The following TSPAN18 variants were observed in gnomAD, a reference collection of about 807,000 sequenced individuals.
The protein encoded by TSPAN18 is tetraspanin-18.
Under a neutral mutation model 27.3 loss-of-function variants are expected in TSPAN18, and 14 were observed. The observed-to-expected ratio is 0.51, with a 90% CI of 0.34 to 0.80. The LOEUF (loss-of-function observed/expected upper bound fraction) is 0.80, where lower values mean the gene tolerates loss of function less well. Among genes scored for constraint, TSPAN18 ranks in the 30% least tolerant of loss-of-function variants. The pLI, the probability that TSPAN18 is intolerant of heterozygous loss-of-function variation, is 0.01. For synonymous variants in TSPAN18, 143 were observed against 136.5 expected, an observed-to-expected ratio of 1.05 and a Z score of -0.33; for missense variants, 268 against 323.9, an observed-to-expected ratio of 0.83 and a Z score of 1.32.
chr11:44,919,907 G>A lies in TSPAN18; in HGVS notation c.523G>A (p.Ala175Thr). Reference sequence around the variant, plus strand: ...CCTGGATAGTGAAGAGGTGCCGGAGGCCTGCTGCCGGAGGGAACCCCAAAG... The same window carrying A: ...CCTGGATAGTGAAGAGGTGCCGGAGACCTGCTGCCGGAGGGAACCCCAAAG... ...LTLDSEEVPEACCRREPQSRD... is the reference protein window; with the variant it reads ...LTLDSEEVPETCCRREPQSRD... Residue 175 changes from alanine (A) to threonine (T), a missense_variant, in exon 8 of 10, where the codon GCC (alanine) becomes ACC (threonine). Physicochemically the swap from Ala to Thr is moderately conservative, Grantham distance 58. Coordinates refer to ENST00000520358, the MANE Select transcript of TSPAN18 (RefSeq NM_130783.5). The A allele has an allele frequency of 6.2e-7, 1 of 1,614,232 alleles. No homozygotes were observed. Among genetic ancestry groups the A allele is most frequent in the Non-Finnish European group, 8.5e-7 (1 of 1,180,036 alleles).
At chr11:44,746,244 A>AG (rs1203834884) in intron 1 of TSPAN18, among the ~76,000 whole-genome samples, 1 of 152,130 alleles carries the variant, frequency 6.6e-6, no homozygotes, top group Non-Finnish European at 1.5e-5. Context: ...ATGAGACCCA[A>AG]GACAAATGCT....
rs1422485894 is a variant in TSPAN18, at chr11:44,764,504, T to A, written c.-161T>A. The A allele has an allele frequency of 5.3e-5, 8 of 152,102 alleles. 1 individual carries two copies. Among genetic ancestry groups the A allele is most frequent in the Admixed American group, 3.3e-4 (5 of 15,284 alleles). The allele number at this position is 152,102 out of a possible 1,614,324, so 9.4% of individuals were successfully genotyped here. A position where few individuals can be genotyped will look rare whatever the true frequency, so the allele number is the denominator to read the frequency against. On this transcript the variant is annotated 5_prime_UTR_variant, in exon 2 of 10. Transcript: ENST00000520358. ...CTGGGCCCAAAGGGAAAGACACCAG[T>A]GGAAAGAGGTATGATGTGGCAACAT... is the stretch of plus-strand genomic sequence containing the variant.
At chr11:44,905,517 C>A (rs536640253) in intron 3 of TSPAN18, among the ~76,000 whole-genome samples, 1 of 152,282 alleles carries the variant, frequency 6.6e-6, no homozygotes, top group African/African-American at 2.4e-5. Context: ...TCCTCAGAGC[C>A]GTTATGAAGA....
chr11:44,903,766 C>T (rs1412313223), intron 3 of TSPAN18: 3 of 455,914 alleles, frequency 6.6e-6, no homozygotes, highest in Non-Finnish European at 1.3e-5. Context: ...CCCCCCACCC[C>T]ATCACACACA....
In TSPAN18 at chr11:44,829,072, A is replaced by G. The variant is rs114764645; in HGVS notation, c.-152-31256A>G. 3.7e-3 allele frequency among the ~76,000 whole-genome samples: 567 copies of G among 152,346 alleles called. 4 individuals carry two copies. Among genetic ancestry groups the G allele is most frequent in the African/African-American group, 0.012 (511 of 41,574 alleles). On this transcript the variant is annotated intron_variant, in intron 2 of 9. Transcript: ENST00000520358. Reference sequence around the variant, plus strand: ...AAAATTTAGGTTTACAAACAATTCGAAAAGTACAAAGTTCCCAGAGAGACT... The same window carrying G: ...AAAATTTAGGTTTACAAACAATTCGGAAAGTACAAAGTTCCCAGAGAGACT...
intron 3 of TSPAN18, among the ~76,000 whole-genome samples, chr11:44,862,310 G>GA (rs1204718212): frequency 6.6e-6 from 1 of 152,208 alleles, no homozygotes; most frequent in Non-Finnish European, 1.5e-5. Flanking sequence ...TTCCTCTGCA[G>GA]AAAAAATACC....
intron 2 of TSPAN18, among the ~76,000 whole-genome samples, chr11:44,787,451 C>T (rs746289416): frequency 1.3e-5 from 2 of 152,164 alleles, no homozygotes; most frequent in South Asian, 2.1e-4. Flanking sequence ...AAAATTCCTG[C>T]AGTGGACAAC....
chr11:44,837,263 C>G (rs1408142136), intron 2 of TSPAN18, among the ~76,000 whole-genome samples: 1 of 152,086 alleles, frequency 6.6e-6, no homozygotes, highest in Non-Finnish European at 1.5e-5. Flanking sequence ...GATTCTCAAC[C>G]CTTATGAGTG....
At chr11:44,779,706 C>T (rs1015959887) in intron 2 of TSPAN18, among the ~76,000 whole-genome samples, 8 of 151,994 alleles carry the variant, frequency 5.3e-5, no homozygotes, top group African/African-American at 1.5e-4. Flanking sequence ...ACCTGCATAC[C>T]GGTGCATATC....
Position 44,911,839 on chromosome 11 carries a change from G to A in TSPAN18, c.258+1940G>A, listed in dbSNP as rs960039987. Among the ~76,000 whole-genome samples, 11 of 152,122 alleles carry A rather than the reference G, an allele frequency of 7.2e-5. No homozygotes were observed. In the South Asian group the frequency reaches 1.2e-3, roughly 17 times the overall value. ...AGGCAGGACTGAGGCCCAGGGGTAG[G>A]AGATGTGTCCACGATCCTCCCGAGA... On this transcript the variant is annotated intron_variant, in intron 5 of 9. Transcript: ENST00000520358.
At chr11:44,744,482 G>A (rs1855024569) in intron 1 of TSPAN18, among the ~76,000 whole-genome samples, 1 of 152,182 alleles carries the variant, frequency 6.6e-6, no homozygotes, top group South Asian at 2.1e-4. Flanking sequence ...AGAGAGCTCT[G>A]GCTTAGAAAT....
intron 2 of TSPAN18, among the ~76,000 whole-genome samples, chr11:44,845,513 C>T (rs12283994): frequency 0.015 from 2,269 of 152,290 alleles, 68 homozygotes; most frequent in African/African-American, 0.053. Context: ...ATGAAGAAAA[C>T]ACAATGGGAG....
intron 2 of TSPAN18, among the ~76,000 whole-genome samples, chr11:44,842,607 G>A (rs1314923366): frequency 6.6e-6 from 1 of 152,124 alleles, no homozygotes; most frequent in Non-Finnish European, 1.5e-5. Flanking sequence ...GCAGTGAAAG[G>A]GAAGAGAAAG....
intron 3 of TSPAN18, among the ~76,000 whole-genome samples, chr11:44,872,934 T>C (rs1414521975): frequency 6.6e-6 from 1 of 152,214 alleles, no homozygotes; most frequent in Non-Finnish European, 1.5e-5. Context: ...GACTGCATGC[T>C]GAGTGTTCCG....
intron 2 of TSPAN18, among the ~76,000 whole-genome samples, chr11:44,836,281 T>C (rs754567872): frequency 3.9e-5 from 6 of 152,198 alleles, no homozygotes; most frequent in East Asian, 1.9e-4. Context: ...GATGCTGATA[T>C]GGAGAAAGTT....
chr11:44,861,796 C>T (rs1857895705), intron 3 of TSPAN18, among the ~76,000 whole-genome samples: 1 of 41,772 alleles, frequency 2.4e-5, no homozygotes, highest in African/African-American at 1.6e-4. Context: ...CCAAATTTCA[C>T]ACACACACAC....
At chr11:44,906,376 C>G in intron 3 of TSPAN18, 31 bp from the exon 4 acceptor site, 2 of 1,610,992 alleles carry the variant, frequency 1.2e-6, no homozygotes, top group East Asian at 2.2e-5. Flanking sequence ...GGTCCCCCAT[C>G]GGGAAGACTG....
intron 1 of TSPAN18, among the ~76,000 whole-genome samples, chr11:44,746,523 G>A (rs987743102): frequency 5.3e-5 from 8 of 152,184 alleles, no homozygotes; most frequent in African/African-American, 1.9e-4. Context: ...GAGAGGTGAG[G>A]CAGAAGGATT....
intron 2 of TSPAN18, among the ~76,000 whole-genome samples, chr11:44,800,149 G>A (rs760126207): frequency 6.6e-6 from 1 of 151,776 alleles, no homozygotes; most frequent in African/African-American, 2.4e-5. Context: ...GAGCCACTGC[G>A]CCCAGCCTGG....
Sources: allele counts gnomAD v4.1 joint callset (sites outside exome capture counted in the v4.1 genomes callset), GRCh38; gene constraint gnomAD v4.1.1; transcripts MANE v1.5; gene names NCBI Gene and HGNC (gene_info 2026-07-23, HGNC 2026-07-21).